Variants in CYTH1 observed in about 807,000 individuals in gnomAD.
CYTH1 encodes cytohesin 1.
CYTH1 carries 18 observed loss-of-function variants against 61.8 expected under a neutral mutation model. The observed-to-expected ratio is 0.29, with a 90% CI of 0.20 to 0.43. CYTH1 has a LOEUF of 0.43. Ranked by LOEUF, CYTH1 falls within the 20% of genes least tolerant of loss-of-function variation. CYTH1 has a pLI of 1.00. For synonymous variants in CYTH1, 174 were observed against 184.3 expected (o/e 0.94, Z 0.45); for missense variants, 336 against 510.5 (o/e 0.66, Z 3.29).
In CYTH1 at chr17:78,702,182, T is replaced by C; in HGVS notation, c.296A>G (p.Gln99Arg). The C allele has an allele frequency of 6.2e-7, 1 of 1,614,204 alleles. No individual in the cohort carries two copies. Among genetic ancestry groups the C allele is most frequent in the Non-Finnish European group, 8.5e-7 (1 of 1,180,032 alleles). ...GAGCCCTTCGCCTTTATATAAGAACTGGGCAATGTCTTCACAAGTGTTCTT... is the reference window on the plus strand; with the variant it reads ...GAGCCCTTCGCCTTTATATAAGAACCGGGCAATGTCTTCACAAGTGTTCTT... Reference protein sequence around the residue: ...LLKNTCEDIAQFLYKGEGLNK... With the variant: ...LLKNTCEDIARFLYKGEGLNK... The change falls in exon 5 of 14, where the codon CAG (glutamine) becomes CGG (arginine). Residue 99 changes from glutamine (Q) to arginine (R), a missense_variant. Around this residue, in one of 4 missense-constraint regions of CYTH1, gnomAD observed 112 missense variants for 127.1 expected, o/e 0.88. Transcript: ENST00000446868.
intron 13 of CYTH1, among the ~76,000 whole-genome samples, chr17:78,679,385 C>T (rs2092733858): frequency 6.6e-6 from 1 of 151,790 alleles, no homozygotes. Context: ...AGTCAGAATG[C>T]TCACTGCTGA....
chr17:78,724,787 C>T (rs2093256594), intron 1 of CYTH1, among the ~76,000 whole-genome samples: 1 of 152,204 alleles, frequency 6.6e-6, no homozygotes, highest in South Asian at 2.1e-4. Context: ...CACTGCCATG[C>T]CATGGGGGTT....
At chr17:78,757,691 G>A (rs142711306) in intron 1 of CYTH1, among the ~76,000 whole-genome samples, 33 of 152,214 alleles carry the variant, frequency 2.2e-4, no homozygotes, top group African/African-American at 7.7e-4. Context: ...AGCACTTTGG[G>A]AGGCTGAGGC....
intron 11 of CYTH1, among the ~76,000 whole-genome samples, chr17:78,686,351 T>C (rs2092816332): frequency 6.6e-6 from 1 of 152,228 alleles, no homozygotes; most frequent in Non-Finnish European, 1.5e-5. Context: ...GTATATGCTA[T>C]TGCTTGGGTT....
intron 5 of CYTH1, 116 bp downstream of exon 5, chr17:78,702,006 T>A (rs977661777): frequency 5.6e-6 from 5 of 897,198 alleles, no homozygotes; most frequent in Non-Finnish European, 8.9e-6. Flanking sequence ...CCAGTGGGGC[T>A]ACAGATGCTT....
intron 1 of CYTH1, among the ~76,000 whole-genome samples, chr17:78,773,539 G>C (rs1430687436): frequency 6.6e-6 from 1 of 151,234 alleles, no homozygotes; most frequent in Non-Finnish European, 1.5e-5. Context: ...TGAGGCACAA[G>C]AATTGCTTGA....
At chr17:78,720,323 A>G (rs1022562077) in intron 1 of CYTH1, among the ~76,000 whole-genome samples, 14 of 151,816 alleles carry the variant, frequency 9.2e-5, no homozygotes, top group Non-Finnish European at 2.9e-5. Flanking sequence ...TTGTTTTTTT[A>G]TTTGTTTGTT....
chr17:78,701,069 C>T (rs1421341629), intron 6 of CYTH1, among the ~76,000 whole-genome samples: 1 of 152,140 alleles, frequency 6.6e-6, no homozygotes, highest in Admixed American at 6.5e-5. Context: ...TAAACAAACG[C>T]TATTTCCGGA....
At chr17:78,775,316 A>G (rs1399124020) in intron 1 of CYTH1, among the ~76,000 whole-genome samples, 1 of 152,182 alleles carries the variant, frequency 6.6e-6, no homozygotes, top group Non-Finnish European at 1.5e-5. Context: ...TCGGGTGCTA[A>G]GGGTCTTTTT....
chr17:78,694,133 C>T, intron 10 of CYTH1, among the ~76,000 whole-genome samples: 1 of 152,310 alleles, frequency 6.6e-6, no homozygotes, highest in Non-Finnish European at 1.5e-5. Flanking sequence ...AAATGTCCAG[C>T]GTAGGTCCTG....
At chr17:78,742,252 T>C (rs1420819444) in intron 1 of CYTH1, among the ~76,000 whole-genome samples, 1 of 152,220 alleles carries the variant, frequency 6.6e-6, no homozygotes. Flanking sequence ...ACTGTTTTCA[T>C]TTACCAGCTG....
chr17:78,686,781 TA>T (rs2092821125), intron 11 of CYTH1, among the ~76,000 whole-genome samples: 1 of 152,046 alleles, frequency 6.6e-6, no homozygotes, highest in Non-Finnish European at 1.5e-5. Flanking sequence ...TTAATTAATT[TA>T]TTTATTTTTA....
At chr17:78,735,531 G>C (rs2144615517) in intron 1 of CYTH1, among the ~76,000 whole-genome samples, 1 of 152,352 alleles carries the variant, frequency 6.6e-6, no homozygotes, top group East Asian at 1.9e-4. Context: ...CCCCTCTTCA[G>C]ATACAGAAGT....
intron 3 of CYTH1, among the ~76,000 whole-genome samples, chr17:78,703,920 G>A (rs1362504700): frequency 6.6e-6 from 1 of 152,194 alleles, no homozygotes; most frequent in Non-Finnish European, 1.5e-5. Context: ...GTGTGGACAC[G>A]TTTTCATTTT....
At chr17:78,780,172 T>C (rs1312969562) in intron 1 of CYTH1, among the ~76,000 whole-genome samples, 1 of 152,188 alleles carries the variant, frequency 6.6e-6, no homozygotes, top group African/African-American at 2.4e-5. Context: ...GAGTGAAATC[T>C]GGAGGGGCTG....
chr17:78,703,411 C>CAAAAAA, intron 3 of CYTH1, among the ~76,000 whole-genome samples: 1 of 69,690 alleles, frequency 1.4e-5, no homozygotes, highest in Non-Finnish European at 2.6e-5. Context: ...ACTCCGTCTC[C>CAAAAAA]AAAAAAAAAA....
At chr17:78,766,654 ACT>A (rs2093449822) in intron 1 of CYTH1, among the ~76,000 whole-genome samples, 1 of 152,190 alleles carries the variant, frequency 6.6e-6, no homozygotes, top group Admixed American at 6.5e-5. Flanking sequence ...TTTAACCAAA[ACT>A]CTGTCCAAAC....
chr17:78,775,499 C>A (rs1023500298), intron 1 of CYTH1, among the ~76,000 whole-genome samples: 4 of 152,134 alleles, frequency 2.6e-5, no homozygotes, highest in Non-Finnish European at 5.9e-5. Context: ...AAAGTGAAAC[C>A]TCGTTTTTTT....
At chr17:78,702,966 CG>C (rs1344732822) in intron 3 of CYTH1, among the ~76,000 whole-genome samples, 2 of 152,076 alleles carry the variant, frequency 1.3e-5, no homozygotes, top group Admixed American at 1.3e-4. Flanking sequence ...GGACCACAGG[CG>C]CATGCCACCA....
Sources: gnomAD v4.1 joint callset for allele counts (sites outside exome capture counted in the v4.1 genomes callset) on GRCh38, gnomAD v4.1.1 for gene constraint, gnomAD v4.1.1 regional missense constraint, MANE v1.5 for transcripts, NCBI Gene and HGNC (gene_info 2026-07-23, HGNC 2026-07-21) for gene names.